Variants in RFFL observed in about 807,000 individuals in gnomAD.
The protein encoded by RFFL is E3 ubiquitin-protein ligase rififylin.
In RFFL, 16 loss-of-function variants were observed where a neutral mutation model predicts 40.4. That is an observed-to-expected ratio of 0.40 (90% CI 0.27 to 0.60). The LOEUF (loss-of-function observed/expected upper bound fraction) is 0.60. RFFL is among the 20% of genes least tolerant of loss of function. RFFL has a pLI of 0.47. For missense variants in RFFL, 367 were observed against 451.7 expected, an observed-to-expected ratio of 0.81 and a Z score of 1.70; for synonymous variants, 154 against 167.9, an observed-to-expected ratio of 0.92 and a Z score of 0.64.
chr17:35,058,219 TC>T lies in RFFL; in HGVS notation c.-9+5356del, dbSNP rs199523995. Reference sequence around the variant, plus strand: ...TTGCCTTACATATTATATCTATCTATCCCCCCCCACCATACTCATTTTACTG... The same window carrying T: ...TTGCCTTACATATTATATCTATCTATCCCCCCCACCATACTCATTTTACTG... On this transcript the variant is annotated intron_variant, in intron 1 of 6. Transcript: ENST00000394597. Among the ~76,000 whole-genome samples, 223 of 150,550 alleles carry T rather than the reference TC, an allele frequency of 1.5e-3. 1 individual carries two copies. The highest frequency in any genetic ancestry group is 5.3e-3 in the African/African-American group (216 of 40,978).
At chr17:35,039,865 C>T (rs957150434) in intron 1 of RFFL, among the ~76,000 whole-genome samples, 1 of 151,824 alleles carries the variant, frequency 6.6e-6, no homozygotes, top group Non-Finnish European at 1.5e-5. Context: ...TTAGTAGAGA[C>T]GGCTTCTCCA....
chr17:35,037,590 G>A (rs1237249893), intron 1 of RFFL, among the ~76,000 whole-genome samples: 1 of 152,212 alleles, frequency 6.6e-6, no homozygotes, highest in African/African-American at 2.4e-5. Flanking sequence ...GTTATCTCAT[G>A]TGATCCTCAC....
At chr17:35,057,151 T>C (rs546788646) in intron 1 of RFFL, among the ~76,000 whole-genome samples, 13 of 152,082 alleles carry the variant, frequency 8.5e-5, no homozygotes, top group Non-Finnish European at 1.6e-4. Context: ...ACTCCTGACC[T>C]CAGGTGATCC....
chr17:35,033,161 A>G (rs1456498670), intron 1 of RFFL, among the ~76,000 whole-genome samples: 2 of 152,022 alleles, frequency 1.3e-5, no homozygotes, highest in Non-Finnish European at 2.9e-5. Context: ...GGAGTCCCCA[A>G]AAGATTAAGA....
At chr17:35,028,297 T>C (rs1242246932) in intron 1 of RFFL, among the ~76,000 whole-genome samples, 3 of 151,566 alleles carry the variant, frequency 2.0e-5, no homozygotes, top group Non-Finnish European at 2.9e-5. Context: ...ATCGTGCCAC[T>C]GCACAACTAC....
intron 5 of RFFL, among the ~76,000 whole-genome samples, chr17:35,015,187 G>C (rs1312749831): frequency 6.6e-6 from 1 of 152,102 alleles, no homozygotes; most frequent in Admixed American, 6.5e-5. Flanking sequence ...TGCTGGTCTT[G>C]AACTCCTGAT....
intron 5 of RFFL, among the ~76,000 whole-genome samples, chr17:35,016,125 A>G (rs535105808): frequency 1.2e-3 from 181 of 152,368 alleles, no homozygotes; most frequent in Middle Eastern, 6.8e-3. Flanking sequence ...CCTTTCAGAT[A>G]AAGGGGTGAT....
At chr17:35,060,956 G>T (rs1269688496) in intron 1 of RFFL, among the ~76,000 whole-genome samples, 1 of 152,190 alleles carries the variant, frequency 6.6e-6, no homozygotes, top group African/African-American at 2.4e-5. Context: ...CCTGAGGGAT[G>T]AGTATCTTGC....
chr17:35,053,574 A>G (rs892853346), intron 1 of RFFL, among the ~76,000 whole-genome samples: 1 of 152,332 alleles, frequency 6.6e-6, no homozygotes, highest in South Asian at 2.1e-4. Flanking sequence ...ATCTCAGTTC[A>G]GCATCTTATC....
At chr17:35,054,593 G>T in intron 1 of RFFL, among the ~76,000 whole-genome samples, 1 of 143,972 alleles carries the variant, frequency 6.9e-6, no homozygotes, top group Admixed American at 7.3e-5. Context: ...AGAAAAATCA[G>T]AAGACTTTAT....
At chr17:35,079,457 A>G (rs896697075) in intron 1 of RFFL, among the ~76,000 whole-genome samples, 2 of 152,250 alleles carry the variant, frequency 1.3e-5, no homozygotes, top group African/African-American at 4.8e-5. Context: ...AGTAATTGTC[A>G]ACGTATTTTC....
chr17:35,040,983 A>G (rs960854849), intron 1 of RFFL, among the ~76,000 whole-genome samples: 2 of 149,458 alleles, frequency 1.3e-5, no homozygotes, highest in African/African-American at 4.9e-5. Context: ...GGCTCTAAGG[A>G]TCCTCCTGCG....
chr17:35,048,968 G>A (rs2091216281), intron 1 of RFFL, among the ~76,000 whole-genome samples: 2 of 152,100 alleles, frequency 1.3e-5, no homozygotes, highest in Admixed American at 1.3e-4. Context: ...AGAAATGAAT[G>A]GTGATTTCTA....
chr17:35,073,559 T>A (rs1346749349), intron 1 of RFFL, among the ~76,000 whole-genome samples: 1 of 152,214 alleles, frequency 6.6e-6, no homozygotes, highest in Non-Finnish European at 1.5e-5. Flanking sequence ...GGACTTCATA[T>A]GTAGTGAAGG....
chr17:35,030,470 T>G (rs183133387), intron 1 of RFFL, among the ~76,000 whole-genome samples: 30 of 152,148 alleles, frequency 2.0e-4, no homozygotes, highest in Non-Finnish European at 2.6e-4. Context: ...TTGTGTGTGT[T>G]TTTTGTATTT....
At chr17:35,057,124 GA>G (rs1172323876) in intron 1 of RFFL, among the ~76,000 whole-genome samples, 1 of 151,872 alleles carries the variant, frequency 6.6e-6, no homozygotes, top group Non-Finnish European at 1.5e-5. Context: ...TCACCACGTT[GA>G]CCAGGCTGGT....
At position 35,011,735 on chromosome 17, in the gene RFFL, A is replaced by C; in HGVS notation, c.*233T>G. On this transcript the variant is annotated 3_prime_UTR_variant, in exon 7 of 7. Coordinates refer to ENST00000394597, the MANE Select transcript of RFFL (RefSeq NM_001017368.2). ...TCATCACTCCAAGATCACTGAACCA[A>C]GAACATACCCATGTGATTTATACAA... The C allele has an allele frequency of 1.9e-6, 1 of 526,606 alleles. No homozygotes were observed. The highest frequency in any genetic ancestry group is 2.2e-5 in the South Asian group (1 of 44,968). The allele number at this position is 526,606 out of a possible 1,614,324, so 32.6% of individuals were successfully genotyped here.
chr17:35,056,937 A>G (rs2091265028), intron 1 of RFFL, among the ~76,000 whole-genome samples: 1 of 148,862 alleles, frequency 6.7e-6, no homozygotes, highest in Admixed American at 6.7e-5. Context: ...TTTTTGAGAC[A>G]GAGTTTTCAC....
At chr17:35,072,470 C>G (rs1038955466) in intron 1 of RFFL, among the ~76,000 whole-genome samples, 2 of 151,694 alleles carry the variant, frequency 1.3e-5, no homozygotes, top group Non-Finnish European at 2.9e-5. Flanking sequence ...GTAGGGAAAA[C>G]GGATATGCAT....
Sources: allele counts gnomAD v4.1 joint callset (sites outside exome capture counted in the v4.1 genomes callset), GRCh38; gene constraint gnomAD v4.1.1; transcripts MANE v1.5; gene names NCBI Gene and HGNC (gene_info 2026-07-23, HGNC 2026-07-21).